The following EYA4 variants were observed in gnomAD, a reference collection of about 807,000 sequenced individuals.
EYA4 encodes the protein EYA transcriptional coactivator and phosphatase 4, also known as protein phosphatase EYA4.
EYA4 carries 31 observed loss-of-function variants against 87.9 expected under a neutral mutation model. The ratio of observed to expected loss-of-function variants is 0.35; its 90% CI spans 0.27 to 0.48. The LOEUF is 0.48. Ranked by LOEUF, EYA4 falls within the 20% of genes least tolerant of loss-of-function variation. EYA4 has a pLI of 0.99. For synonymous variants in EYA4, 263 were observed against 270.6 expected, an observed-to-expected ratio of 0.97 and a Z score of 0.28; for missense variants, 678 against 761.4, an observed-to-expected ratio of 0.89 and a Z score of 1.29.
intron 3 of EYA4, among the ~76,000 whole-genome samples, chr6:133,430,286 A>G (rs981234948): frequency 1.3e-5 from 2 of 152,230 alleles, no homozygotes; most frequent in Non-Finnish European, 2.9e-5. Flanking sequence ...TGTTTAGGAG[A>G]TATTTTAAAT....
chr6:133,531,425 G>T lies in EYA4; in HGVS notation c.*2620G>T, dbSNP rs1344483101. The T allele has an allele frequency of 3.6e-6, 2 of 549,110 alleles. No individual in the cohort carries two copies. Among genetic ancestry groups the T allele is most frequent in the Non-Finnish European group, 6.5e-6 (2 of 309,154 alleles). 34.0% of individuals were successfully genotyped at this position (549,110 alleles called of 1,614,324 possible). ...TGAACAAACACAAAACCAACCCCTT[G>T]GCAGTTCCCACCTCCTATTGACATA... On this transcript the variant is annotated 3_prime_UTR_variant, in exon 20 of 20. Coordinates refer to ENST00000355286, the MANE Select transcript of EYA4 (RefSeq NM_004100.5).
At chr6:133,342,605 A>ATATATATTTTATATATATATATATC (rs1485897156) in intron 2 of EYA4, among the ~76,000 whole-genome samples, 2 of 130,440 alleles carry the variant, frequency 1.5e-5, no homozygotes, top group African/African-American at 6.6e-5. Flanking sequence ...ATATATATAT[A>ATATATATTTTATATATATATATATC]ATTCTTTATA....
intron 17 of EYA4, among the ~76,000 whole-genome samples, chr6:133,516,428 A>G (rs11756894): frequency 0.4 from 60,135 of 151,944 alleles, 12,736 homozygotes; most frequent in East Asian, 0.67. Flanking sequence ...GAAAAGATTA[A>G]TGGGTCAGGC....
rs751230184 is a variant in EYA4, at chr6:133,525,144, T to C, written c.1739-10T>C. The C allele has an allele frequency of 6.2e-7, 1 of 1,613,714 alleles. No individual in the cohort carries two copies. The highest frequency in any genetic ancestry group is 1.1e-5 in the South Asian group (1 of 91,078). On this transcript the variant is annotated splice_polypyrimidine_tract_variant and intron_variant, in intron 18 of 19. Transcript: ENST00000355286. ...ACTTCACTCTGAACTTTATCTCATTTATCTTCCAGGAAAAGAAAGTTGCTT... is the reference window on the plus strand; with the variant it reads ...ACTTCACTCTGAACTTTATCTCATTCATCTTCCAGGAAAAGAAAGTTGCTT...
chr6:133,529,612 A>C lies in EYA4; in HGVS notation c.*807A>C, dbSNP rs1800890840. ...CTCAGAGCTTAATTACCGCATCAGC[A>C]AGAAACTGAGTATTTTTTGCAATAA... is the stretch of plus-strand genomic sequence containing the variant. On this transcript the variant is annotated 3_prime_UTR_variant, in exon 20 of 20. Transcript: ENST00000355286. 2.0e-6 allele frequency: 2 copies of C among 985,586 alleles called. No homozygotes were observed. The highest frequency in any genetic ancestry group is 6.1e-5 in the Admixed American group (1 of 16,262). The allele number at this position is 985,586 out of a possible 1,614,324, so 61.1% of individuals were successfully genotyped here.
intron 3 of EYA4, among the ~76,000 whole-genome samples, chr6:133,428,983 G>A (rs1203230593): frequency 1.5e-5 from 2 of 132,816 alleles, no homozygotes; most frequent in East Asian, 2.4e-4. Flanking sequence ...CTGGAGGGCT[G>A]TGGCATGATC....
intron 1 of EYA4, among the ~76,000 whole-genome samples, chr6:133,274,428 A>C (rs775824220): frequency 1.7e-4 from 26 of 152,196 alleles, no homozygotes; most frequent in Non-Finnish European, 3.1e-4. Context: ...CCTCAGTAAA[A>C]TAGTGTATTA....
intron 11 of EYA4, among the ~76,000 whole-genome samples, chr6:133,480,555 C>T (rs1472590663): frequency 1.3e-5 from 2 of 151,992 alleles, no homozygotes; most frequent in Non-Finnish European, 2.9e-5. Flanking sequence ...ATTTCAAAGA[C>T]TTAGTATGAA....
intron 13 of EYA4, among the ~76,000 whole-genome samples, chr6:133,489,292 A>G (rs1796939839): frequency 6.6e-6 from 1 of 152,054 alleles, no homozygotes. Flanking sequence ...TCTAAGAGTT[A>G]TTGGCCTTAA....
intron 3 of EYA4, among the ~76,000 whole-genome samples, chr6:133,446,168 C>T (rs2128621615): frequency 6.6e-6 from 1 of 152,186 alleles, no homozygotes; most frequent in East Asian, 1.9e-4. Flanking sequence ...TAAACATTTT[C>T]AGCTCTCTAG....
At chr6:133,280,989 T>A (rs937233943) in intron 2 of EYA4, among the ~76,000 whole-genome samples, 3 of 152,172 alleles carry the variant, frequency 2.0e-5, no homozygotes, top group South Asian at 2.1e-4. Context: ...TTTTGTGGCT[T>A]GCTTTTTATA....
intron 2 of EYA4, among the ~76,000 whole-genome samples, chr6:133,353,597 C>A (rs183199370): frequency 6.6e-6 from 1 of 152,212 alleles, no homozygotes; most frequent in South Asian, 2.1e-4. Context: ...TTGAGATAAA[C>A]GTGAAAATTC....
chr6:133,467,402 A>T (rs1011563498), intron 10 of EYA4, among the ~76,000 whole-genome samples: 6 of 152,140 alleles, frequency 3.9e-5, no homozygotes, highest in Non-Finnish European at 8.8e-5. Context: ...AAATGAGTAA[A>T]TATATCTGAG....
At chr6:133,252,848 T>G (rs1775010236) in intron 1 of EYA4, among the ~76,000 whole-genome samples, 1 of 152,054 alleles carries the variant, frequency 6.6e-6, no homozygotes, top group African/African-American at 2.4e-5. Flanking sequence ...TTTAATTGTA[T>G]TAGGTAGATA....
intron 2 of EYA4, among the ~76,000 whole-genome samples, chr6:133,329,807 G>A (rs1781781943): frequency 6.6e-6 from 1 of 152,062 alleles, no homozygotes; most frequent in Admixed American, 6.6e-5. Context: ...AATTGGCATG[G>A]TACAAATCAC....
intron 2 of EYA4, among the ~76,000 whole-genome samples, chr6:133,330,634 G>A (rs1781869741): frequency 1.3e-5 from 2 of 150,440 alleles, no homozygotes; most frequent in South Asian, 4.2e-4. Context: ...AATAAATTAA[G>A]TAGAATAATT....
At chr6:133,270,158 T>C (rs1256771790) in intron 1 of EYA4, among the ~76,000 whole-genome samples, 2 of 152,182 alleles carry the variant, frequency 1.3e-5, no homozygotes, top group Non-Finnish European at 2.9e-5. Flanking sequence ...ACACCCAGGG[T>C]CAATACTTTG....
intron 2 of EYA4, among the ~76,000 whole-genome samples, chr6:133,380,966 CTCT>C (rs1786152147): frequency 6.7e-6 from 1 of 148,958 alleles, no homozygotes; most frequent in African/African-American, 2.5e-5. Context: ...CCTCCTCCTC[CTCT>C]TCTTTCTCTT....
At chr6:133,505,955 C>A in intron 13 of EYA4, 151 bp from the exon 14 acceptor site, 1 of 643,070 alleles carries the variant, frequency 1.6e-6, no homozygotes, top group Non-Finnish European at 2.8e-6. Context: ...TGGAAAGTCA[C>A]CTTTTTGGAA....
Sources: gnomAD v4.1 joint callset for allele counts (sites outside exome capture counted in the v4.1 genomes callset) on GRCh38, gnomAD v4.1.1 for gene constraint, MANE v1.5 for transcripts, NCBI Gene and HGNC (gene_info 2026-07-23, HGNC 2026-07-21) for gene names.